TXK: variants seen among roughly 807,000 people sequenced by gnomAD.
TXK encodes TXK tyrosine kinase.
Under a neutral mutation model 81.0 loss-of-function variants are expected in TXK, and 60 were observed. That is an observed-to-expected ratio of 0.74 (90% confidence interval 0.60 to 0.92). The LOEUF (loss-of-function observed/expected upper bound fraction) is 0.92. Among genes scored for constraint, TXK ranks in the 40% least tolerant of loss-of-function variants. TXK has a pLI of 0.00. For synonymous variants in TXK, 203 were observed against 210.7 expected (o/e 0.96, Z 0.32); for missense variants, 581 against 638.3 (o/e 0.91, Z 0.97).
chr4:48,086,884 T>G (rs1281496325), intron 9 of TXK, among the ~76,000 whole-genome samples: 2 of 152,220 alleles, frequency 1.3e-5, no homozygotes, highest in South Asian at 2.1e-4. Flanking sequence ...CAAAATGCAC[T>G]CTCTGCTCCC....
chr4:48,108,952 G>A (rs1469855986), intron 5 of TXK, among the ~76,000 whole-genome samples: 11 of 152,176 alleles, frequency 7.2e-5, no homozygotes, highest in Admixed American at 6.5e-4. Flanking sequence ...CACTGTGTTA[G>A]CTACTTTCAC....
rs376422978 is a variant in TXK at position 48,067,440 on chromosome 4, C to G, written c.*197G>C. 2 of 574,134 alleles carry G rather than the reference C, an allele frequency of 3.5e-6. No individual in the cohort carries two copies. The allele number at this position is 574,134 out of a possible 1,614,324, so 35.6% of individuals were successfully genotyped here. A position where few individuals can be genotyped will look rare whatever the true frequency, so the allele number is the denominator to read the frequency against. On this transcript the variant is annotated 3_prime_UTR_variant, in exon 15 of 15. Transcript: ENST00000264316. ...CAGAAAAATAAGAGTGTGCAAATCC[C>G]TCTCACACATAGAAAAACGATTGTG... is the stretch of plus-strand genomic sequence containing the variant.
intron 14 of TXK, among the ~76,000 whole-genome samples, chr4:48,070,697 G>A (rs939568609): frequency 2.6e-5 from 4 of 151,424 alleles, no homozygotes; most frequent in African/African-American, 4.9e-5. Context: ...TCCTATCTCC[G>A]CCTCCCAAGT....
chr4:48,069,621 C>T (rs188917902), intron 14 of TXK, among the ~76,000 whole-genome samples: 11 of 152,204 alleles, frequency 7.2e-5, no homozygotes, highest in East Asian at 1.9e-4. Flanking sequence ...CCACCACACC[C>T]GGCCAAATCA....
At chr4:48,071,399 C>G (rs538715035) in intron 14 of TXK, 118 bp downstream of exon 14, 350 of 1,024,926 alleles carry the variant, frequency 3.4e-4, no homozygotes, top group Non-Finnish European at 4.8e-4. Context: ...AGGATCATGA[C>G]CAAGACACAG....
chr4:48,100,552 G>GA (rs1314102622), intron 6 of TXK, among the ~76,000 whole-genome samples: 1 of 152,242 alleles, frequency 6.6e-6, no homozygotes, highest in Non-Finnish European at 1.5e-5. Context: ...AGTGCTGTCT[G>GA]AAAAGGTTAT....
At chr4:48,073,843 A>G (rs1716957749) in intron 13 of TXK, 92 bp downstream of exon 13, 1 of 859,674 alleles carries the variant, frequency 1.2e-6, no homozygotes, top group Non-Finnish European at 1.9e-6. Flanking sequence ...TTTTTAAAAA[A>G]TGCTATATCA....
At chr4:48,084,453 C>A (rs1032618626) in intron 10 of TXK, among the ~76,000 whole-genome samples, 2 of 152,178 alleles carry the variant, frequency 1.3e-5, no homozygotes, top group African/African-American at 2.4e-5. Flanking sequence ...CATTAAACAT[C>A]TTCAATTCTT....
intron 9 of TXK, among the ~76,000 whole-genome samples, chr4:48,087,435 A>T (rs1053188490): frequency 6.6e-5 from 10 of 151,404 alleles, no homozygotes; most frequent in African/African-American, 1.9e-4. Context: ...TTTTATTATT[A>T]TTATTATTTT....
chr4:48,097,541 C>G (rs1330054180), intron 6 of TXK, among the ~76,000 whole-genome samples: 2 of 151,130 alleles, frequency 1.3e-5, no homozygotes, highest in Non-Finnish European at 2.9e-5. Flanking sequence ...GCCTCAGCCT[C>G]CTGAGTAAAT....
intron 6 of TXK, among the ~76,000 whole-genome samples, chr4:48,102,156 T>C (rs1047037774): frequency 1.2e-4 from 19 of 152,192 alleles, no homozygotes; most frequent in African/African-American, 4.1e-4. Flanking sequence ...TTTTTGTATT[T>C]TCAGGAGAGA....
intron 10 of TXK, 95 bp downstream of exon 10, chr4:48,086,371 G>A: frequency 1.5e-6 from 2 of 1,307,256 alleles, no homozygotes; most frequent in Non-Finnish European, 2.2e-6. Context: ...GCAAAGTTGT[G>A]ACACAAATCC....
chr4:48,100,710 T>C (rs1256848280), intron 6 of TXK, among the ~76,000 whole-genome samples: 2 of 152,194 alleles, frequency 1.3e-5, no homozygotes, highest in Non-Finnish European at 2.9e-5. Context: ...CAAACCCATA[T>C]AAATGGGAAA....
chr4:48,122,212 C>T (rs1365805124), intron 1 of TXK, among the ~76,000 whole-genome samples: 1 of 152,186 alleles, frequency 6.6e-6, no homozygotes, highest in African/African-American at 2.4e-5. Flanking sequence ...GCTACATGTT[C>T]CACAAGAGCC....
chr4:48,126,505 G>C (rs923105233), intron 1 of TXK, among the ~76,000 whole-genome samples: 1 of 151,974 alleles, frequency 6.6e-6, no homozygotes, highest in Admixed American at 6.5e-5. Flanking sequence ...GTGGTTGTTT[G>C]TTTTGTTTTG....
intron 1 of TXK, among the ~76,000 whole-genome samples, chr4:48,129,025 G>A (rs1256039988): frequency 6.6e-6 from 1 of 152,052 alleles, no homozygotes; most frequent in Admixed American, 6.5e-5. Flanking sequence ...CTTCCAAGTT[G>A]GAGTTAGACT....
intron 1 of TXK, among the ~76,000 whole-genome samples, chr4:48,131,790 A>G (rs749671680): frequency 2.2e-4 from 33 of 152,272 alleles, no homozygotes; most frequent in South Asian, 1.4e-3. Flanking sequence ...AATTTACAGC[A>G]TTTTCTTTAG....
At chr4:48,073,846 C>T in intron 13 of TXK, 89 bp downstream of exon 13, 2 of 871,910 alleles carry the variant, frequency 2.3e-6, no homozygotes, top group Non-Finnish European at 3.6e-6. Context: ...TTAAAAAATG[C>T]TATATCAATT....
intron 1 of TXK, among the ~76,000 whole-genome samples, chr4:48,127,004 A>T (rs995395627): frequency 6.6e-6 from 1 of 152,216 alleles, no homozygotes; most frequent in South Asian, 2.1e-4. Context: ...TTCCTGATTC[A>T]ATAGCAAAGA....
Sources: allele counts gnomAD v4.1 joint callset (sites outside exome capture counted in the v4.1 genomes callset), GRCh38; gene constraint gnomAD v4.1.1; transcripts MANE v1.5; gene names NCBI Gene and HGNC (gene_info 2026-07-23, HGNC 2026-07-21).